MAP3K9: variants seen among roughly 807,000 people sequenced by gnomAD.
MAP3K9 encodes the protein mitogen-activated protein kinase kinase kinase 9, also known as mixed lineage kinase 1 (tyr and ser/thr specificity).
Under a neutral mutation model 95.8 loss-of-function variants are expected in MAP3K9, and 46 were observed. The ratio of observed to expected loss-of-function variants is 0.48; its 90% CI spans 0.38 to 0.61. The LOEUF (loss-of-function observed/expected upper bound fraction) is 0.61. Ranked by LOEUF, MAP3K9 falls within the 20% of genes least tolerant of loss-of-function variation. The probability of loss-of-function intolerance (pLI) is 0.00; values close to 1 mark genes in which losing one functional copy is unlikely to be tolerated. For missense variants in MAP3K9, 1,296 were observed against 1,474.3 expected (o/e 0.88, Z 1.98); for synonymous variants, 533 against 593.8 (o/e 0.90, Z 1.49).
chr14:70,741,766 G>A (rs2054072687), intron 6 of MAP3K9, among the ~76,000 whole-genome samples: 1 of 151,908 alleles, frequency 6.6e-6, no homozygotes, highest in Non-Finnish European at 1.5e-5. Flanking sequence ...TCACTTGAGG[G>A]TGAAACCCTG....
In MAP3K9 at chr14:70,803,492, G is replaced by A. The variant is rs574166151; in HGVS notation, c.407-2412C>T. Among the ~76,000 whole-genome samples the A allele has an allele frequency of 3.2e-4, 48 of 151,168 alleles. 1 individual carries two copies. Among genetic ancestry groups the A allele is most frequent in the African/African-American group, 2.4e-5 (1 of 41,110 alleles). ...GACCAAAAGAGGAACTGCCACTGCTGACTATTCCCTTCCTTACTCAGCCAG... is the reference window on the plus strand; with the variant it reads ...GACCAAAAGAGGAACTGCCACTGCTAACTATTCCCTTCCTTACTCAGCCAG... On this transcript the variant is annotated intron_variant, in intron 1 of 11. Coordinates refer to ENST00000554752, the MANE Select transcript of MAP3K9 (RefSeq NM_001284230.2).
rs1255157207 is a variant in MAP3K9 at position 70,732,555 on chromosome 14, G to A, written c.2814C>T (p.Ser938=). Residue 938 remains serine (S), a synonymous_variant, in exon 11 of 12, where the codon AGC becomes AGT. Transcript: ENST00000554752. ...ASRSPSSNGL[S]PSPGAGMLKT... is the part of the protein sequence containing the mutation. ...AAGACTCACCTGCTCCAGGACTGGG[G>A]CTCAACCCATTGCTGGAGGGGCTCC... 6.3e-7 allele frequency: 1 copy of A among 1,588,802 alleles called. No individual in the cohort carries two copies. The highest frequency in any genetic ancestry group is 1.3e-5 in the African/African-American group (1 of 74,146).
rs571355544 is a variant in MAP3K9 at position 70,750,641 on chromosome 14, C to G, written c.1002-560G>C. ...CTGGGATTACAGGCATGCACCACCACGCCCGGCTAATTTTTGTATTTTTAG... is the reference window on the plus strand; with the variant it reads ...CTGGGATTACAGGCATGCACCACCAGGCCCGGCTAATTTTTGTATTTTTAG... On this transcript the variant is annotated intron_variant, in intron 3 of 11. Transcript: ENST00000554752. 3.3e-5 allele frequency among the ~76,000 whole-genome samples: 5 copies of G among 152,188 alleles called. No homozygotes were observed. In the South Asian group the frequency reaches 8.3e-4, roughly 25 times the overall value.
Position 70,748,831 on chromosome 14 carries a change from T to C in MAP3K9, c.1324A>G (p.Lys442Glu). The change falls in exon 5 of 12, where the codon AAG (lysine) becomes GAG (glutamate). Residue 442 changes from lysine (K) to glutamate (E), a missense_variant and splice_region_variant. By Grantham distance (56) the Lys-to-Glu change is moderately conservative (BLOSUM62 1). This residue lies in a region of MAP3K9 where 377 missense variants were observed against 417.1 expected (regional missense o/e 0.90). Transcript: ENST00000554752. ...GTTGTTTTTTTTGTTTTGTTTACCT[T>C]TTCTTTGGCCCTGAGTTGGTCAAAC... Reference protein sequence around the residue: ...EMFDQLRAKEKELRTWEEELT... With the variant: ...EMFDQLRAKEEELRTWEEELT... 6.3e-7 allele frequency: 1 copy of C among 1,585,892 alleles called. No individual in the cohort carries two copies. Among genetic ancestry groups the C allele is most frequent in the South Asian group, 1.2e-5 (1 of 85,510 alleles).
intron 1 of MAP3K9, among the ~76,000 whole-genome samples, chr14:70,804,264 G>T (rs1387734885): frequency 6.6e-6 from 1 of 152,200 alleles, no homozygotes; most frequent in African/African-American, 2.4e-5. Flanking sequence ...TGCAAGCACA[G>T]AATTTCCTGT....
At chr14:70,786,309 C>T (rs2054743919) in intron 2 of MAP3K9, among the ~76,000 whole-genome samples, 1 of 152,132 alleles carries the variant, frequency 6.6e-6, no homozygotes, top group African/African-American at 2.4e-5. Context: ...GTGCCAATAA[C>T]AGGGAGATTA....
rs572761925 is a variant in MAP3K9, at chr14:70,738,296, G to A, written c.1793C>T (p.Thr598Met). 57 of 1,613,804 alleles carry A rather than the reference G, an allele frequency of 3.5e-5. No homozygotes were observed. The highest frequency in any genetic ancestry group is 4.4e-5 in the Non-Finnish European group (52 of 1,179,926). The change falls in exon 8 of 12, where the codon ACG becomes ATG. Residue 598 changes from threonine to methionine, a missense_variant. Physicochemically the swap from Thr to Met is moderately conservative, Grantham distance 81. Around this residue, in one of 5 missense-constraint regions of MAP3K9, gnomAD observed 377 missense variants for 417.1 expected, o/e 0.90. Coordinates refer to ENST00000554752, the MANE Select transcript of MAP3K9 (RefSeq NM_001284230.2). ...CTGACCAAGCGTCCCTGGCCCCCAC[G>A]TCCGTCCCTTCTTCTTTGGGGCCCT... ...EKRAPKKKGR[T>M]WGPGTLGQKE... is the part of the protein sequence containing the mutation.
chr14:70,804,949 A>C (rs1037534399), intron 1 of MAP3K9, among the ~76,000 whole-genome samples: 1 of 152,326 alleles, frequency 6.6e-6, no homozygotes, highest in South Asian at 2.1e-4. Flanking sequence ...TTCCCTGCTC[A>C]GTCCCTGTGG....
At chr14:70,734,569 C>T (rs149776243) in intron 9 of MAP3K9, 71 bp from the exon 10 acceptor site, 1 of 841,048 alleles carries the variant, frequency 1.2e-6, no homozygotes, top group Non-Finnish European at 2.0e-6. Context: ...CTCCATGGGT[C>T]TATGGAGACG....
Position 70,767,073 on chromosome 14 carries a change from G to A in MAP3K9, c.821-5891C>T, listed in dbSNP as rs559806503. On this transcript the variant is annotated intron_variant, in intron 2 of 11. Transcript: ENST00000554752. ...ATGTCCCCTTTAGGAACCAAGCACA[G>A]GACCAGGCTCTTTGAAAGAACTCAT... Among the ~76,000 whole-genome samples the A allele has an allele frequency of 1.2e-4, 19 of 152,214 alleles. 1 individual carries two copies. The South Asian group carries it at 3.9e-3, about 32-fold the overall frequency.
rs2053769047 is a variant in MAP3K9 at position 70,722,685 on chromosome 14, A to AG, written c.*7694_*7695insC. On this transcript the variant is annotated 3_prime_UTR_variant, in exon 12 of 12. Coordinates refer to ENST00000554752, the MANE Select transcript of MAP3K9 (RefSeq NM_001284230.2). ...TTACAGTACCTCGAAAGAAAAAAAA[A>AG]AAAAAGCCAAAGGAAAGAACCTGGT... 1 of 143,052 alleles carries AG rather than the reference A, an allele frequency of 7.0e-6. No homozygotes were observed. The allele number at this position is 143,052 out of a possible 1,614,324, so 8.9% of individuals were successfully genotyped here.
chr14:70,730,181 G>A lies in MAP3K9; in HGVS notation c.*199C>T, dbSNP rs2053874075. 3 of 720,756 alleles carry A rather than the reference G, an allele frequency of 4.2e-6. No individual in the cohort carries two copies. The highest frequency in any genetic ancestry group is 6.0e-5 in the Admixed American group (2 of 33,114). 44.6% of individuals were successfully genotyped at this position (720,756 alleles called of 1,614,324 possible). A position where few individuals can be genotyped will look rare whatever the true frequency, so the allele number is the denominator to read the frequency against. Reference sequence around the variant, plus strand: ...AGCTGATGGCCACAGCCCCTCCAGTGGACACGGGTAGAAAGGCCCTGCAGG... The same window carrying A: ...AGCTGATGGCCACAGCCCCTCCAGTAGACACGGGTAGAAAGGCCCTGCAGG... On this transcript the variant is annotated 3_prime_UTR_variant, in exon 12 of 12. Transcript: ENST00000554752.
At chr14:70,784,283 CAA>C (rs2054719923) in intron 2 of MAP3K9, among the ~76,000 whole-genome samples, 1 of 148,798 alleles carries the variant, frequency 6.7e-6, no homozygotes, top group African/African-American at 2.5e-5. Flanking sequence ...AACTCCGTCT[CAA>C]AACAAAAAAA....
At chr14:70,739,059 C>T (rs560355020) in intron 7 of MAP3K9, among the ~76,000 whole-genome samples, 17 of 152,310 alleles carry the variant, frequency 1.1e-4, no homozygotes, top group African/African-American at 3.8e-4. Context: ...GCTATTAGTG[C>T]CAGCCAACTG....
Position 70,730,316 on chromosome 14 carries a change from T to C in MAP3K9, c.*64A>G. On this transcript the variant is annotated 3_prime_UTR_variant, in exon 12 of 12. Transcript: ENST00000554752. Reference sequence around the variant, plus strand: ...AGGGGGTCCAACCCTGAGAAAGGGCTGTGCCCGCCAGCTCCCCTCATCTCC... The same window carrying C: ...AGGGGGTCCAACCCTGAGAAAGGGCCGTGCCCGCCAGCTCCCCTCATCTCC... 1.9e-6 allele frequency: 3 copies of C among 1,549,354 alleles called. No homozygotes were observed. The highest frequency in any genetic ancestry group is 2.5e-5 in the South Asian group (2 of 80,332).
intron 8 of MAP3K9, among the ~76,000 whole-genome samples, chr14:70,736,890 G>A (rs2053993430): frequency 6.6e-6 from 1 of 152,162 alleles, no homozygotes; most frequent in Admixed American, 6.5e-5. Context: ...TAGCTTCAGA[G>A]AGTCAATCCT....
chr14:70,792,102 C>T (rs900139942), intron 2 of MAP3K9, among the ~76,000 whole-genome samples: 5 of 152,334 alleles, frequency 3.3e-5, no homozygotes, highest in East Asian at 3.9e-4. Flanking sequence ...TATTCACTTA[C>T]GTATTTATTT....
At chr14:70,802,804 C>T (rs773075043) in intron 1 of MAP3K9, among the ~76,000 whole-genome samples, 2 of 152,178 alleles carry the variant, frequency 1.3e-5, no homozygotes, top group Admixed American at 6.5e-5. Context: ...CCCTATTCAC[C>T]ACTGCACTTG....
Position 70,801,052 on chromosome 14 carries a change from G to A in MAP3K9, c.435C>T (p.Thr145=), listed in dbSNP as rs187736203. The change falls in exon 2 of 12, where the codon ACC becomes ACT. Residue 145 remains threonine (T), a synonymous_variant. Transcript: ENST00000554752. ...QLLEIDFAEL[T]LEEIIGIGGF... ...CCCCGATGCCAATAATCTCTTCCAA[G>A]GTGAGCTCCGCAAAATCAATTTCTA... 4.3e-6 allele frequency: 7 copies of A among 1,611,586 alleles called. No individual in the cohort carries two copies. Among genetic ancestry groups the A allele is most frequent in the Non-Finnish European group, 5.9e-6 (7 of 1,178,016 alleles).
Sources: gnomAD v4.1 joint callset for allele counts (sites outside exome capture counted in the v4.1 genomes callset) on GRCh38, gnomAD v4.1.1 for gene constraint, gnomAD v4.1.1 regional missense constraint, MANE v1.5 for transcripts, NCBI Gene and HGNC (gene_info 2026-07-23, HGNC 2026-07-21) for gene names.